PRR16: variants seen among roughly 807,000 people sequenced by gnomAD.
PRR16 encodes the protein protein Largen.
In PRR16, 6 loss-of-function variants were observed where a neutral mutation model predicts 18.2. The observed-to-expected ratio is 0.33, with a 90% CI of 0.18 to 0.65. The LOEUF (loss-of-function observed/expected upper bound fraction) is 0.65, where lower values mean the gene tolerates loss of function less well. Among genes scored for constraint, PRR16 ranks in the 30% least tolerant of loss-of-function variants. The probability of loss-of-function intolerance (pLI) is 0.74; values close to 1 mark genes in which losing one functional copy is unlikely to be tolerated. For synonymous variants in PRR16, 151 were observed against 147.8 expected (o/e 1.02, Z -0.16); for missense variants, 412 against 376.6 (o/e 1.09, Z -0.78).
Position 120,599,021 on chromosome 5 carries a change from A to AT in PRR16, c.160-86927dup, listed in dbSNP as rs956223608. ...AAAGTCTGAGAATATATTTCATGGG[A>AT]TTTTTTGTTCAAACTTGCTGTTCTT... On this transcript the variant is annotated intron_variant, in intron 1 of 1. Transcript: ENST00000407149. Among the ~76,000 whole-genome samples the AT allele has an allele frequency of 5.3e-5, 8 of 151,820 alleles. No homozygotes were observed. In the South Asian group the frequency reaches 8.3e-4, roughly 16 times the overall value.
chr5:120,665,451 C>T (rs1415551929), intron 1 of PRR16, among the ~76,000 whole-genome samples: 2 of 152,192 alleles, frequency 1.3e-5, no homozygotes, highest in East Asian at 3.9e-4. Context: ...TGCAGAAGCT[C>T]TTTAGTTTAA....
At chr5:120,732,222 A>G in the PRR16 span, among the ~76,000 whole-genome samples, 2 of 152,198 alleles carry the variant, frequency 1.3e-5, no homozygotes, top group Admixed American at 6.6e-5. Flanking sequence ...TTAATTTATC[A>G]GTTGTCTGAA....
chr5:120,669,110 T>A (rs1362517647), intron 1 of PRR16, among the ~76,000 whole-genome samples: 1 of 152,172 alleles, frequency 6.6e-6, no homozygotes, highest in South Asian at 2.1e-4. Context: ...ACACTGAGTC[T>A]TTTAAGCAAA....
At chr5:120,787,946 G>A in the PRR16 span, among the ~76,000 whole-genome samples, 9 of 151,850 alleles carry the variant, frequency 5.9e-5, no homozygotes, top group Admixed American at 2.0e-4. Flanking sequence ...TTTATGCTAT[G>A]CAATATTAAA....
the PRR16 span, among the ~76,000 whole-genome samples, chr5:120,773,227 A>G: frequency 6.6e-6 from 1 of 152,090 alleles, no homozygotes; most frequent in Non-Finnish European, 1.5e-5. Flanking sequence ...AGAGTCCCCA[A>G]ATCACAGTGA....
the PRR16 span, among the ~76,000 whole-genome samples, chr5:120,700,049 G>T: frequency 2.0e-5 from 3 of 152,170 alleles, no homozygotes; most frequent in African/African-American, 7.2e-5. Flanking sequence ...AGGGTACAAA[G>T]CAATAGTAAA....
chr5:120,599,626 T>C (rs912384549), intron 1 of PRR16, among the ~76,000 whole-genome samples: 1 of 151,948 alleles, frequency 6.6e-6, no homozygotes, highest in African/African-American at 2.4e-5. Context: ...CTTACTGATT[T>C]TGTTGCCTAG....
At chr5:120,768,719 T>A in the PRR16 span, among the ~76,000 whole-genome samples, 1 of 151,726 alleles carries the variant, frequency 6.6e-6, no homozygotes. Flanking sequence ...CTTAAGACTT[T>A]GATTAAAGTC....
intron 1 of PRR16, among the ~76,000 whole-genome samples, chr5:120,577,643 G>A (rs1753124376): frequency 6.6e-6 from 1 of 152,114 alleles, no homozygotes; most frequent in African/African-American, 2.4e-5. Context: ...GTAACGTTTG[G>A]TGTGCCTTCT....
At chr5:120,666,472 C>A (rs971674372) in intron 1 of PRR16, among the ~76,000 whole-genome samples, 1 of 151,370 alleles carries the variant, frequency 6.6e-6, no homozygotes, top group Non-Finnish European at 1.5e-5. Flanking sequence ...CCTAATTGCC[C>A]TGGCCAGAAC....
the PRR16 span, among the ~76,000 whole-genome samples, chr5:120,695,587 A>G: frequency 1.3e-5 from 2 of 152,108 alleles, no homozygotes; most frequent in Non-Finnish European, 2.9e-5. Flanking sequence ...CCAATACCCA[A>G]TGGAGAAACT....
chr5:120,495,103 C>T (rs1202302026), intron 1 of PRR16, among the ~76,000 whole-genome samples: 1 of 151,838 alleles, frequency 6.6e-6, no homozygotes, highest in Non-Finnish European at 1.5e-5. Flanking sequence ...AAACTTTAGG[C>T]TAATTGTGTC....
chr5:120,513,878 C>A (rs1750906473), intron 1 of PRR16, among the ~76,000 whole-genome samples: 1 of 151,866 alleles, frequency 6.6e-6, no homozygotes, highest in African/African-American at 2.4e-5. Context: ...CCTGCCTCAG[C>A]CTCCCGAGTA....
chr5:120,733,782 A>AT, the PRR16 span, among the ~76,000 whole-genome samples: 53 of 152,202 alleles, frequency 3.5e-4, no homozygotes, highest in African/African-American at 1.2e-3. Context: ...AATTTTTGTA[A>AT]TTTTTTATCA....
At chr5:120,724,779 T>G in the PRR16 span, among the ~76,000 whole-genome samples, 1 of 152,082 alleles carries the variant, frequency 6.6e-6, no homozygotes, top group South Asian at 2.1e-4. Flanking sequence ...TAATTAAATT[T>G]CCATGTAACT....
chr5:120,543,791 T>C (rs1751990704), intron 1 of PRR16, among the ~76,000 whole-genome samples: 1 of 152,168 alleles, frequency 6.6e-6, no homozygotes, highest in South Asian at 2.1e-4. Context: ...GACATTAGGA[T>C]GGGAGTGAGG....
rs958109023 is a variant in PRR16, at chr5:120,490,500, C to T, written c.159+25855C>T. Among the ~76,000 whole-genome samples, 8 of 152,276 alleles carry T rather than the reference C, an allele frequency of 5.3e-5. No individual in the cohort carries two copies. The South Asian group carries it at 6.2e-4, about 12-fold the overall frequency. ...GTTCTCGTGCCGTGGTTTTCAGCTC[C>T]ATCAGGTCCTTTAAGGACTTCTCTG... On this transcript the variant is annotated intron_variant, in intron 1 of 1. Coordinates refer to ENST00000407149, the MANE Select transcript of PRR16 (RefSeq NM_001300783.2).
chr5:120,578,437 CCT>C (rs755025586), intron 1 of PRR16, among the ~76,000 whole-genome samples: 2 of 152,094 alleles, frequency 1.3e-5, no homozygotes, highest in African/African-American at 2.4e-5. Flanking sequence ...GTGTTGTTCC[CCT>C]CTCTGTTTCC....
the PRR16 span, among the ~76,000 whole-genome samples, chr5:120,736,119 T>C: frequency 1.3e-5 from 2 of 152,220 alleles, no homozygotes; most frequent in Non-Finnish European, 2.9e-5. Flanking sequence ...CAAAGATCAT[T>C]TGACCACACA....
Sources: allele counts gnomAD v4.1 joint callset (sites outside exome capture counted in the v4.1 genomes callset), GRCh38; gene constraint gnomAD v4.1.1; transcripts MANE v1.5; gene names NCBI Gene and HGNC (gene_info 2026-07-23, HGNC 2026-07-21).